BANK1: variants seen among roughly 807,000 people sequenced by gnomAD.
The protein encoded by BANK1 is B cell scaffold protein with ankyrin repeats 1, also known as B-cell scaffold protein with ankyrin repeats.
A neutral mutation model predicts 94.5 loss-of-function variants in BANK1; 95 were observed. The observed-to-expected ratio is 1.00, with a 90% CI of 0.85 to 1.19. The LOEUF is 1.19. Among genes scored for constraint, BANK1 ranks in the 50% most tolerant of loss-of-function variants. The pLI is 0.00. For missense variants in BANK1, 987 were observed against 932.2 expected (o/e 1.06, Z -0.77); for synonymous variants, 334 against 308.4 (o/e 1.08, Z -0.87).
intron 1 of BANK1, among the ~76,000 whole-genome samples, chr4:101,801,406 T>C (rs1343555323): frequency 1.3e-5 from 2 of 152,204 alleles, no homozygotes; most frequent in Admixed American, 1.3e-4. Context: ...GAATTAAATT[T>C]TCTGTTAGAT....
At chr4:102,001,646 A>G (rs999190264) in intron 7 of BANK1, among the ~76,000 whole-genome samples, 5 of 152,216 alleles carry the variant, frequency 3.3e-5, no homozygotes, top group Non-Finnish European at 7.3e-5. Flanking sequence ...AAAATTAAAA[A>G]TCAGAGTGAA....
In BANK1 at chr4:101,914,056, A is replaced by G. The variant is rs189338907; in HGVS notation, c.1010-3937A>G. On this transcript the variant is annotated intron_variant, in intron 6 of 16. Transcript: ENST00000322953. Reference sequence around the variant, plus strand: ...AAATGTACAGTCTTTCAAAGAAATTATCTGAGAACAACAGAGTAACTATTC... The same window carrying G: ...AAATGTACAGTCTTTCAAAGAAATTGTCTGAGAACAACAGAGTAACTATTC... Among the ~76,000 whole-genome samples, 108 of 152,342 alleles carry G rather than the reference A, an allele frequency of 7.1e-4. 2 individuals carry two copies. The South Asian group carries it at 0.021, about 30-fold the overall frequency.
chr4:102,062,820 G>A (rs761355820), intron 12 of BANK1: 2 of 378,936 alleles, frequency 5.3e-6, no homozygotes, highest in Non-Finnish European at 4.9e-6. Context: ...TATGAATTGG[G>A]AAAGTTACTG....
At chr4:101,905,280 G>A (rs1438828824) in intron 6 of BANK1, among the ~76,000 whole-genome samples, 3 of 152,172 alleles carry the variant, frequency 2.0e-5, no homozygotes, top group African/African-American at 7.2e-5. Flanking sequence ...CTTTTGCGGG[G>A]GTTCCCCAGG....
intron 7 of BANK1, among the ~76,000 whole-genome samples, chr4:101,999,088 T>G (rs1725974415): frequency 6.6e-6 from 1 of 152,226 alleles, no homozygotes; most frequent in Admixed American, 6.5e-5. Context: ...CCTAGAAATT[T>G]TATGACATTT....
intron 7 of BANK1, among the ~76,000 whole-genome samples, chr4:101,960,001 A>AAGGGAC (rs1436296918): frequency 2.0e-5 from 3 of 152,162 alleles, no homozygotes; most frequent in African/African-American, 7.2e-5. Context: ...TTAGAACAAG[A>AAGGGAC]AGGGACTTGA....
At chr4:101,808,733 C>T (rs1725644359) in intron 1 of BANK1, among the ~76,000 whole-genome samples, 1 of 151,834 alleles carries the variant, frequency 6.6e-6, no homozygotes, top group South Asian at 2.1e-4. Flanking sequence ...ATATAAATAG[C>T]CAACAAACAT....
At chr4:101,798,302 A>C (rs1254955175) in intron 1 of BANK1, among the ~76,000 whole-genome samples, 1 of 152,166 alleles carries the variant, frequency 6.6e-6, no homozygotes, top group Non-Finnish European at 1.5e-5. Context: ...GGCATCAAGG[A>C]AAGGATTTTA....
chr4:101,792,469 G>GTTT (rs5860691), intron 1 of BANK1, among the ~76,000 whole-genome samples: 9 of 97,602 alleles, frequency 9.2e-5, no homozygotes, highest in African/African-American at 2.7e-4. Context: ...GTGTGTGTGT[G>GTTT]TTTTTTTTTT....
chr4:101,796,005 A>G (rs1160551314), intron 1 of BANK1, among the ~76,000 whole-genome samples: 3 of 152,226 alleles, frequency 2.0e-5, no homozygotes, highest in Non-Finnish European at 2.9e-5. Context: ...TATAAGCCAC[A>G]AAGTCCTTTT....
At chr4:101,806,405 C>T (rs1289639714) in intron 1 of BANK1, among the ~76,000 whole-genome samples, 1 of 152,028 alleles carries the variant, frequency 6.6e-6, no homozygotes, top group Admixed American at 6.5e-5. Flanking sequence ...ATAGATCATC[C>T]TCCATATAAG....
At chr4:102,032,199 G>A (rs1727343128) in intron 10 of BANK1, 2 of 152,148 alleles carry the variant, frequency 1.3e-5, no homozygotes, top group African/African-American at 2.4e-5. Context: ...AGAAATTTTT[G>A]AAGAAATACC....
chr4:101,959,975 C>T (rs1023477442), intron 7 of BANK1, among the ~76,000 whole-genome samples: 1 of 152,150 alleles, frequency 6.6e-6, no homozygotes, highest in Admixed American at 6.5e-5. Flanking sequence ...AGGATTCTGA[C>T]ATTGACCCAT....
intron 10 of BANK1, among the ~76,000 whole-genome samples, chr4:102,035,229 A>G (rs1297186674): frequency 6.6e-6 from 1 of 152,226 alleles, no homozygotes; most frequent in Non-Finnish European, 1.5e-5. Context: ...AGAACTGGAC[A>G]AAGCTCTAGG....
chr4:101,992,932 A>C (rs1447152320), intron 7 of BANK1, among the ~76,000 whole-genome samples: 1 of 152,202 alleles, frequency 6.6e-6, no homozygotes, highest in Non-Finnish European at 1.5e-5. Flanking sequence ...CCTAGGATTC[A>C]GGACTTTCAG....
intron 7 of BANK1, among the ~76,000 whole-genome samples, chr4:101,925,084 T>C (rs1380085271): frequency 8.2e-6 from 1 of 122,668 alleles, no homozygotes; most frequent in Non-Finnish European, 1.8e-5. Flanking sequence ...CATCTTATTT[T>C]CCCAGGCAGA....
At chr4:101,912,042 CACACACACACAT>C (rs1722680575) in intron 6 of BANK1, among the ~76,000 whole-genome samples, 1 of 151,954 alleles carries the variant, frequency 6.6e-6, no homozygotes, top group Admixed American at 6.6e-5. Context: ...CAATTAGAAA[CACACACACACAT>C]ACACACACAC....
chr4:101,980,048 G>A (rs1725277647), intron 7 of BANK1, among the ~76,000 whole-genome samples: 1 of 151,622 alleles, frequency 6.6e-6, no homozygotes, highest in Non-Finnish European at 1.5e-5. Context: ...TAGATTTTGG[G>A]GAGATTACCA....
chr4:101,875,903 C>G (rs1276956733), intron 5 of BANK1, among the ~76,000 whole-genome samples: 1 of 152,130 alleles, frequency 6.6e-6, no homozygotes, highest in Admixed American at 6.5e-5. Context: ...GGCACACAAC[C>G]CAGTGAAACA....
Sources: gnomAD v4.1 joint callset for allele counts (sites outside exome capture counted in the v4.1 genomes callset) on GRCh38, gnomAD v4.1.1 for gene constraint, MANE v1.5 for transcripts, NCBI Gene and HGNC (gene_info 2026-07-23, HGNC 2026-07-21) for gene names.